Variants in ACOXL observed in about 807,000 individuals in gnomAD.
ACOXL encodes the protein acyl-CoA oxidase like.
Under a neutral mutation model 71.9 loss-of-function variants are expected in ACOXL, and 70 were observed. That is an observed-to-expected ratio of 0.97 (90% confidence interval 0.80 to 1.19). The LOEUF (loss-of-function observed/expected upper bound fraction) is 1.19, where lower values mean the gene tolerates loss of function less well. ACOXL is among the 50% of genes most tolerant of loss of function. The probability of loss-of-function intolerance (pLI) is 0.00; values close to 1 mark genes in which losing one functional copy is unlikely to be tolerated. For missense variants in ACOXL, 703 were observed against 736.3 expected, an observed-to-expected ratio of 0.95 and a Z score of 0.52; for synonymous variants, 253 against 281.6, an observed-to-expected ratio of 0.90 and a Z score of 1.02.
At chr2:110,842,234 G>T (rs373405695) in intron 10 of ACOXL, among the ~76,000 whole-genome samples, 11 of 152,298 alleles carry the variant, frequency 7.2e-5, no homozygotes, top group East Asian at 3.9e-4. Context: ...AGAAAGCTGG[G>T]GGGGAGCCAT....
chr2:110,747,420 G>A (rs1315879997), intron 1 of ACOXL, among the ~76,000 whole-genome samples: 1 of 152,188 alleles, frequency 6.6e-6, no homozygotes, highest in Non-Finnish European at 1.5e-5. Flanking sequence ...ATATCCATTG[G>A]CCACAGGACT....
intron 11 of ACOXL, among the ~76,000 whole-genome samples, chr2:110,921,924 T>A (rs1481085898): frequency 6.6e-6 from 1 of 152,212 alleles, no homozygotes; most frequent in Admixed American, 6.5e-5. Flanking sequence ...AATAACATCC[T>A]TTGTATGAAT....
At chr2:111,093,129 A>T (rs974564317) in intron 17 of ACOXL, among the ~76,000 whole-genome samples, 163 bp downstream of exon 17, 13 of 151,878 alleles carry the variant, frequency 8.6e-5, no homozygotes, top group Non-Finnish European at 4.4e-5. Context: ...ATCGTATTAC[A>T]CTTAAGAGTT....
At chr2:110,933,754 G>C in intron 12 of ACOXL, 112 bp downstream of exon 12, 1 of 1,341,070 alleles carries the variant, frequency 7.5e-7, no homozygotes, top group South Asian at 1.5e-5. Context: ...AATCCCAACT[G>C]CCCATGACTC....
rs369435475 is a variant in ACOXL, at chr2:110,926,075, C to G, written c.906-7414C>G. On this transcript the variant is annotated intron_variant, in intron 11 of 17. Transcript: ENST00000439055. ...CACACACATTTACCAATTAAGTTCACTGTCTTATGTGGGTGCAGTTTGTGA... is the reference window on the plus strand; with the variant it reads ...CACACACATTTACCAATTAAGTTCAGTGTCTTATGTGGGTGCAGTTTGTGA... 9.2e-5 allele frequency among the ~76,000 whole-genome samples: 14 copies of G among 152,120 alleles called. 2 individuals carry two copies. Among genetic ancestry groups the G allele is most frequent in the Admixed American group, 8.5e-4 (13 of 15,266 alleles).
rs112726889 is a variant in ACOXL, at chr2:110,777,723, C to G, written c.76-7009C>G. On this transcript the variant is annotated intron_variant, in intron 2 of 17. Transcript: ENST00000439055. ...GACAGGGGCCATCAGCGCGGGCAGC[C>G]CTCCTGGGTGAGCCGGGGTTGACAC... Among the ~76,000 whole-genome samples, 1,028 of 152,308 alleles carry G rather than the reference C, an allele frequency of 6.7e-3. 12 individuals carry two copies. Among genetic ancestry groups the G allele is most frequent in the Non-Finnish European group, 0.012 (786 of 68,024 alleles).
At chr2:111,007,029 G>A (rs528592934) in intron 14 of ACOXL, among the ~76,000 whole-genome samples, 4 of 152,256 alleles carry the variant, frequency 2.6e-5, no homozygotes, top group African/African-American at 7.2e-5. Context: ...AAAGAAGGAA[G>A]GGGAGGCAAA....
intron 2 of ACOXL, among the ~76,000 whole-genome samples, chr2:110,769,971 G>T (rs1279413626): frequency 6.6e-6 from 1 of 152,146 alleles, no homozygotes; most frequent in Middle Eastern, 3.2e-3. Flanking sequence ...AGGCTCCAGA[G>T]GTCGAGGCTG....
intron 10 of ACOXL, chr2:110,887,113 G>A: frequency 2.5e-6 from 1 of 405,234 alleles, no homozygotes; most frequent in Non-Finnish European, 4.5e-6. Flanking sequence ...ATCTGGGGTG[G>A]AAAAACTCTG....
At chr2:110,995,498 T>TGAAAAAAA (rs1157308860) in intron 13 of ACOXL, among the ~76,000 whole-genome samples, 1 of 2,808 alleles carries the variant, frequency 3.6e-4, no homozygotes, top group Non-Finnish European at 7.2e-4. Flanking sequence ...AGACTCTGTC[T>TGAAAAAAA]CAAAAAAAAA....
intron 3 of ACOXL, among the ~76,000 whole-genome samples, chr2:110,786,370 A>G (rs1397871993): frequency 1.3e-5 from 2 of 152,220 alleles, no homozygotes; most frequent in Admixed American, 6.5e-5. Flanking sequence ...GGTGTCCACC[A>G]TCAGATTTTT....
chr2:110,742,360 T>A (rs1677652032), intron 1 of ACOXL, among the ~76,000 whole-genome samples: 1 of 152,228 alleles, frequency 6.6e-6, no homozygotes, highest in Non-Finnish European at 1.5e-5. Flanking sequence ...CTTAAATGAA[T>A]AATTGTACAC....
At chr2:110,879,975 G>A (rs902001988) in intron 10 of ACOXL, among the ~76,000 whole-genome samples, 10 of 151,644 alleles carry the variant, frequency 6.6e-5, no homozygotes, top group African/African-American at 1.9e-4. Flanking sequence ...GTGAAACCCC[G>A]TCTCTACTAA....
intron 11 of ACOXL, among the ~76,000 whole-genome samples, chr2:110,918,795 GA>G (rs910799098): frequency 2.7e-4 from 41 of 152,034 alleles, no homozygotes; most frequent in African/African-American, 9.6e-4. Flanking sequence ...ACAAACATAT[GA>G]AAAAAAACTT....
At chr2:110,945,885 A>G (rs747961044) in intron 12 of ACOXL, among the ~76,000 whole-genome samples, 35 of 152,252 alleles carry the variant, frequency 2.3e-4, no homozygotes, top group Non-Finnish European at 4.9e-4. Context: ...TCTGTGAAGA[A>G]TGTCATTGGT....
intron 12 of ACOXL, among the ~76,000 whole-genome samples, chr2:110,939,476 A>G (rs1249718926): frequency 1.3e-5 from 2 of 152,176 alleles, no homozygotes; most frequent in East Asian, 3.8e-4. Context: ...TCTTTACTAC[A>G]ACCTTACTTT....
chr2:110,963,595 GT>G lies in ACOXL; in HGVS notation c.1060-23512del, dbSNP rs770618642. 2.0e-5 allele frequency: 26 copies of G among 1,277,684 alleles called. No homozygotes were observed. The African/African-American group carries it at 5.3e-4, about 26-fold the overall frequency. 79.1% of individuals were successfully genotyped at this position (1,277,684 alleles called of 1,614,324 possible). A position where few individuals can be genotyped will look rare whatever the true frequency, so the allele number is the denominator to read the frequency against. ...TGTGTGTGTGTGTGTGTGTGTGTGT[GT>G]GTGTGTGTTTTTCTCTTTCTGCAAC... On this transcript the variant is annotated intron_variant, in intron 12 of 17. Coordinates refer to ENST00000439055, the MANE Select transcript of ACOXL (RefSeq NM_001142807.4).
At chr2:110,761,080 A>AT (rs1195033350) in intron 1 of ACOXL, among the ~76,000 whole-genome samples, 1 of 152,048 alleles carries the variant, frequency 6.6e-6, no homozygotes, top group African/African-American at 2.4e-5. Context: ...GATTTCTCTA[A>AT]TTTTTTCTCT....
chr2:111,008,881 C>T (rs1439134371), intron 14 of ACOXL, among the ~76,000 whole-genome samples: 1 of 152,096 alleles, frequency 6.6e-6, no homozygotes, highest in Non-Finnish European at 1.5e-5. Flanking sequence ...GTATAAGGGT[C>T]ATTTTAATAT....
Sources: gnomAD v4.1 joint callset for allele counts (sites outside exome capture counted in the v4.1 genomes callset) on GRCh38, gnomAD v4.1.1 for gene constraint, MANE v1.5 for transcripts, NCBI Gene and HGNC (gene_info 2026-07-23, HGNC 2026-07-21) for gene names.